The following SCN9A variants were observed in gnomAD, a reference collection of about 807,000 sequenced individuals.
SCN9A encodes sodium voltage-gated channel alpha subunit 9, also known as sodium channel protein type 9 subunit alpha.
In SCN9A, 131 loss-of-function variants were observed where a neutral mutation model predicts 187.0. That is an observed-to-expected ratio of 0.70 (90% confidence interval 0.61 to 0.81). SCN9A has a LOEUF of 0.81. Among genes scored for constraint, SCN9A ranks in the 30% least tolerant of loss-of-function variants. SCN9A has a pLI of 0.00. For synonymous variants in SCN9A, 809 were observed against 808.6 expected, an observed-to-expected ratio of 1.00 and a Z score of -0.01; for missense variants, 2,252 against 2,396.6, an observed-to-expected ratio of 0.94 and a Z score of 1.26.
chr2:166,237,868 A>G (rs528991115), intron 20 of SCN9A, among the ~76,000 whole-genome samples: 17 of 152,334 alleles, frequency 1.1e-4, no homozygotes, highest in Middle Eastern at 3.4e-3. Context: ...AAATGTTACA[A>G]TGTCACAGAA....
intron 17 of SCN9A, among the ~76,000 whole-genome samples, chr2:166,255,440 C>T (rs1387750787): frequency 2.0e-5 from 3 of 150,186 alleles, no homozygotes; most frequent in Non-Finnish European, 4.5e-5. Context: ...TAAACATTAA[C>T]GATGTAAGCC....
chr2:166,304,772 A>G (rs1043204924), intron 5 of SCN9A, among the ~76,000 whole-genome samples: 34 of 152,112 alleles, frequency 2.2e-4, no homozygotes, highest in African/African-American at 7.7e-4. Flanking sequence ...GGAGAGAAGG[A>G]AATTGAAGTG....
At chr2:166,210,325 G>A (rs906660559) in intron 24 of SCN9A, among the ~76,000 whole-genome samples, 1 of 151,634 alleles carries the variant, frequency 6.6e-6, no homozygotes, top group African/African-American at 2.4e-5. Flanking sequence ...GGGAGGAGGG[G>A]GATATACCTA....
intron 2 of SCN9A, among the ~76,000 whole-genome samples, chr2:166,307,329 A>G (rs1483349679): frequency 1.3e-5 from 2 of 152,184 alleles, no homozygotes; most frequent in Non-Finnish European, 2.9e-5. Context: ...CTTTCAAAAT[A>G]CTGTATTTCA....
intron 24 of SCN9A, among the ~76,000 whole-genome samples, chr2:166,215,110 C>G (rs1405844796): frequency 2.0e-5 from 3 of 152,092 alleles, no homozygotes; most frequent in Non-Finnish European, 4.4e-5. Flanking sequence ...GTTTTCTGTT[C>G]ATGATGACAT....
intron 18 of SCN9A, among the ~76,000 whole-genome samples, chr2:166,249,086 C>T (rs370707234): frequency 6.6e-6 from 1 of 152,062 alleles, no homozygotes; most frequent in Non-Finnish European, 1.5e-5. Flanking sequence ...CTTCATTACT[C>T]TGCCTAAAAT....
At chr2:166,278,390 C>T (rs1406995136) in intron 14 of SCN9A, 77 bp from the exon 15 acceptor site, 14 of 1,219,646 alleles carry the variant, frequency 1.1e-5, no homozygotes, top group Non-Finnish European at 1.6e-5. Context: ...TCACTGTTTG[C>T]TTAGCATTTA....
chr2:166,360,219 C>CAAAAAAAAAAAAAAAAAAAAAAAA (rs1251018524), intron 1 of SCN9A, among the ~76,000 whole-genome samples: 1 of 24,042 alleles, frequency 4.2e-5, no homozygotes, highest in Non-Finnish European at 7.5e-5. Context: ...AACTCTGTCT[C>CAAAAAAAAAAAAAAAAAAAAAAAA]AAAAAAAAAA....
In SCN9A at chr2:166,238,916, T is replaced by A. The variant is rs2106404790; in HGVS notation, c.3628-649A>T. Among the ~76,000 whole-genome samples the A allele has an allele frequency of 1.3e-5, 2 of 152,332 alleles. 1 individual carries two copies. The highest frequency in any genetic ancestry group is 4.1e-4 in the South Asian group (2 of 4,834). The stretch of plus-strand genomic sequence containing the variant: ...CCATTAATGCGGTGCTTCCTATGCT[T>A]TCCAAGAAATTTTAGTAAGTGACAC... On this transcript the variant is annotated intron_variant, in intron 19 of 26. Coordinates refer to ENST00000642356, the MANE Select transcript of SCN9A (RefSeq NM_001365536.1).
intron 1 of SCN9A, among the ~76,000 whole-genome samples, chr2:166,342,306 C>A (rs998264602): frequency 6.6e-6 from 1 of 152,046 alleles, no homozygotes; most frequent in African/African-American, 2.4e-5. Flanking sequence ...TCAATGAATG[C>A]CATATGGAGA....
intron 18 of SCN9A, among the ~76,000 whole-genome samples, chr2:166,246,465 T>C (rs1462721950): frequency 6.6e-6 from 1 of 151,918 alleles, no homozygotes; most frequent in Non-Finnish European, 1.5e-5. Flanking sequence ...AGAGAGAACA[T>C]TCGATAAAAT....
At chr2:166,253,919 G>C (rs1393845175) in intron 17 of SCN9A, among the ~76,000 whole-genome samples, 3 of 151,726 alleles carry the variant, frequency 2.0e-5, no homozygotes, top group African/African-American at 7.3e-5. Context: ...TAAATAAAAT[G>C]ATTCTTATTT....
intron 1 of SCN9A, among the ~76,000 whole-genome samples, chr2:166,361,632 G>A (rs56058874): frequency 1.2e-3 from 182 of 152,016 alleles, no homozygotes; most frequent in Non-Finnish European, 2.0e-3. Context: ...GAATATCATG[G>A]GAACCAAAGA....
intron 14 of SCN9A, among the ~76,000 whole-genome samples, 152 bp downstream of exon 14, chr2:166,280,205 G>T (rs1457429711): frequency 6.6e-6 from 1 of 152,092 alleles, no homozygotes; most frequent in Non-Finnish European, 1.5e-5. Flanking sequence ...GACATAACCA[G>T]AAACTTGACT....
intron 17 of SCN9A, among the ~76,000 whole-genome samples, chr2:166,257,886 T>G (rs1347959348): frequency 6.6e-6 from 1 of 151,470 alleles, no homozygotes; most frequent in Non-Finnish European, 1.5e-5. Context: ...TGCCTCTAAA[T>G]CCCCACCAAA....
Position 166,238,096 on chromosome 2 carries a change from C to A in SCN9A, c.3799G>T (p.Asp1267Tyr). 1 of 1,608,626 alleles carries A rather than the reference C, an allele frequency of 6.2e-7. No homozygotes were observed. The highest frequency in any genetic ancestry group is 8.5e-7 in the Non-Finnish European group (1 of 1,176,886). ...AWCWLDFLIV[D>Y]VSLVTLVANT... ...AAAATGTACTCAAAAGTACCTACATCAACAATTAGGAAATCCAGCCAACAC... is the reference window on the plus strand; with the variant it reads ...AAAATGTACTCAAAAGTACCTACATAAACAATTAGGAAATCCAGCCAACAC... Residue 1267 changes from aspartate to tyrosine, a missense_variant and splice_region_variant, in exon 20 of 27, where the codon GAT (aspartate) becomes TAT (tyrosine). Physicochemically the swap from Asp to Tyr is radical, Grantham distance 160 (BLOSUM62 -3). Transcript: ENST00000642356.
At chr2:166,271,249 T>G (rs1330654598) in intron 17 of SCN9A, among the ~76,000 whole-genome samples, 6 of 152,112 alleles carry the variant, frequency 3.9e-5, no homozygotes, top group African/African-American at 1.4e-4. Context: ...TTAGGAGGGA[T>G]GAAATAAATA....
intron 22 of SCN9A, 109 bp from the exon 23 acceptor site, chr2:166,227,832 A>AAGTTT (rs974631558): frequency 2.9e-6 from 2 of 691,216 alleles, no homozygotes; most frequent in Admixed American, 4.9e-5. Context: ...TAATACTAGT[A>AAGTTT]AGTTTTGCTG....
intron 1 of SCN9A, among the ~76,000 whole-genome samples, chr2:166,360,227 AAAAAAAAAG>A (rs1274329095): frequency 1.5e-4 from 22 of 144,738 alleles, no homozygotes; most frequent in African/African-American, 5.0e-4. Context: ...CTCAAAAAAA[AAAAAAAAAG>A]AAAAAAAAAA....
Sources: allele counts gnomAD v4.1 joint callset (sites outside exome capture counted in the v4.1 genomes callset), GRCh38; gene constraint gnomAD v4.1.1; transcripts MANE v1.5; gene names NCBI Gene and HGNC (gene_info 2026-07-23, HGNC 2026-07-21).